Variants in FANCC observed in about 807,000 individuals in gnomAD.
FANCC encodes FA complementation group C, also known as Fanconi anemia group C protein.
FANCC carries 55 observed loss-of-function variants against 71.3 expected under a neutral mutation model. The ratio of observed to expected loss-of-function variants is 0.77; its 90% CI spans 0.62 to 0.97. FANCC has a LOEUF of 0.97. FANCC is among the 50% of genes least tolerant of loss of function. The pLI, the probability that FANCC is intolerant of heterozygous loss-of-function variation, is 0.00. For synonymous variants in FANCC, 275 were observed against 244.9 expected (o/e 1.12, Z -1.15); for missense variants, 678 against 670.9 (o/e 1.01, Z -0.12).
At chr9:95,170,858 T>C (rs926622591) in intron 6 of FANCC, among the ~76,000 whole-genome samples, 15 of 152,180 alleles carry the variant, frequency 9.9e-5, no homozygotes, top group Admixed American at 2.0e-4. Context: ...AAAGACATTG[T>C]ATGATTTACT....
At chr9:95,261,175 AATGC>A (rs535996756) in intron 1 of FANCC, among the ~76,000 whole-genome samples, 189 of 152,334 alleles carry the variant, frequency 1.2e-3, no homozygotes, top group African/African-American at 4.3e-3. Flanking sequence ...AGCTCCAAAA[AATGC>A]ATGCCTTGAA....
At chr9:95,310,572 C>A (rs1835330271) in intron 1 of FANCC, among the ~76,000 whole-genome samples, 2 of 152,112 alleles carry the variant, frequency 1.3e-5, no homozygotes, top group Non-Finnish European at 2.9e-5. Context: ...AAGTAAGAGA[C>A]AGACCTCAGA....
chr9:95,202,697 G>T (rs1239375828), intron 4 of FANCC, among the ~76,000 whole-genome samples: 1 of 152,208 alleles, frequency 6.6e-6, no homozygotes, highest in African/African-American at 2.4e-5. Context: ...ACTAAAAATA[G>T]AAAGTGTGAA....
Position 95,294,455 on chromosome 9 carries a change from C to G in FANCC, c.-79+23071G>C, listed in dbSNP as rs1344324798. 4 of 1,602,396 alleles carry G rather than the reference C, an allele frequency of 2.5e-6. No homozygotes were observed. In the East Asian group the frequency reaches 8.9e-5, roughly 36 times the overall value. On this transcript the variant is annotated intron_variant, in intron 1 of 14. Transcript: ENST00000289081. ...GAGATGTTTGACAGACAAACACAGA[C>G]AGACTTAAACTTTTTCTTAGACAGT... is the stretch of plus-strand genomic sequence containing the variant.
chr9:95,299,645 G>C (rs1451476541), intron 1 of FANCC, among the ~76,000 whole-genome samples: 1 of 152,160 alleles, frequency 6.6e-6, no homozygotes, highest in Non-Finnish European at 1.5e-5. Context: ...AGGATCGCTT[G>C]AGTCCAGGAG....
intron 6 of FANCC, among the ~76,000 whole-genome samples, chr9:95,153,735 T>G (rs1201323365): frequency 6.6e-6 from 1 of 152,208 alleles, no homozygotes; most frequent in Non-Finnish European, 1.5e-5. Flanking sequence ...ATGCATAGTT[T>G]GCAATATTTT....
chr9:95,303,143 C>T (rs1834855907), intron 1 of FANCC, among the ~76,000 whole-genome samples: 1 of 152,150 alleles, frequency 6.6e-6, no homozygotes, highest in Non-Finnish European at 1.5e-5. Context: ...ATACTGCAGG[C>T]GCCAGCTGCA....
intron 1 of FANCC, among the ~76,000 whole-genome samples, chr9:95,256,755 A>C (rs542210895): frequency 6.6e-6 from 1 of 152,280 alleles, no homozygotes; most frequent in Admixed American, 6.5e-5. Flanking sequence ...ATTCAATAAA[A>C]AGTCAAGACC....
rs1829547496 is a variant in FANCC, at chr9:95,225,361, T to C, written c.345+15288A>G. Among the ~76,000 whole-genome samples, 4 of 152,300 alleles carry C rather than the reference T, an allele frequency of 2.6e-5. No individual in the cohort carries two copies. The South Asian group carries it at 8.3e-4, about 32-fold the overall frequency. ...TCAGGCAATTTAGGTTGAAATACAG[T>C]GAGCTTATGTCTTGGAAATATAGAT... On this transcript the variant is annotated intron_variant, in intron 4 of 14. Coordinates refer to ENST00000289081, the MANE Select transcript of FANCC (RefSeq NM_000136.3).
chr9:95,264,560 T>C (rs947952908), intron 1 of FANCC, among the ~76,000 whole-genome samples: 8 of 152,118 alleles, frequency 5.3e-5, no homozygotes, highest in Admixed American at 3.3e-4. Flanking sequence ...TCATGCCAAA[T>C]ATGGACCATA....
intron 1 of FANCC, among the ~76,000 whole-genome samples, chr9:95,308,567 G>A (rs1339062564): frequency 6.6e-6 from 1 of 151,348 alleles, no homozygotes; most frequent in African/African-American, 2.4e-5. Context: ...ATTACAGGCA[G>A]GAGCTACCTT....
chr9:95,123,436 T>C (rs1412505402), intron 10 of FANCC: 8 of 458,746 alleles, frequency 1.7e-5, no homozygotes, highest in Non-Finnish European at 3.5e-5. Flanking sequence ...GCCTCAGAGG[T>C]TGAGACCAGC....
intron 7 of FANCC, among the ~76,000 whole-genome samples, chr9:95,137,626 G>A (rs1827895754): frequency 6.6e-6 from 1 of 152,158 alleles, no homozygotes; most frequent in Non-Finnish European, 1.5e-5. Context: ...TGTGGATTTG[G>A]AGTGTCTGAG....
intron 4 of FANCC, among the ~76,000 whole-genome samples, chr9:95,199,077 A>C (rs1437541875): frequency 6.6e-6 from 1 of 152,102 alleles, no homozygotes; most frequent in African/African-American, 2.4e-5. Context: ...TTTTTGAAAG[A>C]GTATTTTGAA....
chr9:95,105,114 T>C (rs2134427226), intron 14 of FANCC, among the ~76,000 whole-genome samples: 1 of 152,350 alleles, frequency 6.6e-6, no homozygotes, highest in African/African-American at 2.4e-5. Context: ...CAGTCGTCTT[T>C]AGCCCTGGGC....
At chr9:95,157,781 G>T (rs1830528870) in intron 6 of FANCC, among the ~76,000 whole-genome samples, 1 of 152,100 alleles carries the variant, frequency 6.6e-6, no homozygotes, top group Non-Finnish European at 1.5e-5. Context: ...TTATCAGTTG[G>T]CCTGCCCAAA....
At chr9:95,246,058 G>A (rs991691197) in intron 3 of FANCC, among the ~76,000 whole-genome samples, 13 of 152,152 alleles carry the variant, frequency 8.5e-5, no homozygotes, top group African/African-American at 2.4e-4. Context: ...GCATATCCAC[G>A]TGCATATGCA....
At chr9:95,241,610 C>A (rs1216720235) in intron 3 of FANCC, among the ~76,000 whole-genome samples, 1 of 152,142 alleles carries the variant, frequency 6.6e-6, no homozygotes, top group African/African-American at 2.4e-5. Context: ...ACAGCCGGTG[C>A]CTGGAATCAG....
intron 4 of FANCC, among the ~76,000 whole-genome samples, chr9:95,222,162 CAAAAAAAA>C (rs60764731): frequency 1.4e-5 from 1 of 70,638 alleles, no homozygotes; most frequent in East Asian, 4.3e-4. Context: ...GGCCCCATCT[CAAAAAAAA>C]AAAAAAAAAA....
Sources: gnomAD v4.1 joint callset for allele counts (sites outside exome capture counted in the v4.1 genomes callset) on GRCh38, gnomAD v4.1.1 for gene constraint, MANE v1.5 for transcripts, NCBI Gene and HGNC (gene_info 2026-07-23, HGNC 2026-07-21) for gene names.